The following RELN variants were observed in gnomAD, a reference collection of about 807,000 sequenced individuals.
RELN encodes the protein reelin.
RELN carries 108 observed loss-of-function variants against 427.6 expected under a neutral mutation model. The ratio of observed to expected loss-of-function variants is 0.25; its 90% CI spans 0.22 to 0.30. RELN has a LOEUF of 0.30. Ranked by LOEUF, RELN falls within the 10% of genes least tolerant of loss-of-function variation. The pLI is 1.00. For synonymous variants in RELN, 1,524 were observed against 1,513.4 expected, an observed-to-expected ratio of 1.01 and a Z score of -0.16; for missense variants, 3,715 against 4,302.8, an observed-to-expected ratio of 0.86 and a Z score of 3.82.
chr7:103,480,916 G>T (rs1828210177), intron 63 of RELN, among the ~76,000 whole-genome samples: 1 of 152,146 alleles, frequency 6.6e-6, no homozygotes, highest in South Asian at 2.1e-4. Context: ...ATAAGAGCCT[G>T]GTATATGACA....
intron 3 of RELN, among the ~76,000 whole-genome samples, chr7:103,803,374 T>C (rs1358327149): frequency 2.0e-5 from 3 of 152,148 alleles, no homozygotes; most frequent in Admixed American, 6.6e-5. Context: ...AATGCTTCTT[T>C]ATATGCTAGA....
intron 25 of RELN, among the ~76,000 whole-genome samples, chr7:103,596,164 G>A (rs763228529): frequency 3.3e-5 from 5 of 152,176 alleles, no homozygotes; most frequent in Admixed American, 6.5e-5. Context: ...GAAAATGAGC[G>A]TGGAACATCC....
chr7:103,508,602 C>T (rs1296838383), intron 51 of RELN, among the ~76,000 whole-genome samples: 7 of 148,812 alleles, frequency 4.7e-5, no homozygotes, highest in African/African-American at 1.7e-4. Context: ...GACAAGGATG[C>T]CCTCTCTTAG....
intron 11 of RELN, among the ~76,000 whole-genome samples, chr7:103,679,096 C>T (rs919792754): frequency 1.3e-5 from 2 of 152,152 alleles, no homozygotes; most frequent in African/African-American, 4.8e-5. Flanking sequence ...ATTATTATAT[C>T]AGCATTATTT....
chr7:103,477,372 A>C (rs775443622), intron 64 of RELN, among the ~76,000 whole-genome samples: 1 of 152,250 alleles, frequency 6.6e-6, no homozygotes, highest in Non-Finnish European at 1.5e-5. Context: ...TTGAGCTCAT[A>C]GAAATATAGG....
intron 6 of RELN, among the ~76,000 whole-genome samples, chr7:103,740,445 A>G (rs1029360435): frequency 1.2e-4 from 18 of 152,246 alleles, no homozygotes; most frequent in African/African-American, 4.3e-4. Context: ...TTTTAACCAC[A>G]TAAATTTTTA....
At chr7:103,740,332 T>C (rs1231376231) in intron 6 of RELN, among the ~76,000 whole-genome samples, 1 of 152,216 alleles carries the variant, frequency 6.6e-6, no homozygotes, top group Non-Finnish European at 1.5e-5. Flanking sequence ...CCAGAAGGAC[T>C]CACAGAAACT....
intron 2 of RELN, among the ~76,000 whole-genome samples, chr7:103,897,307 C>G (rs1794982704): frequency 6.6e-6 from 1 of 152,050 alleles, no homozygotes; most frequent in Non-Finnish European, 1.5e-5. Flanking sequence ...ACAGCAATTT[C>G]TTTCATCAAA....
intron 17 of RELN, among the ~76,000 whole-genome samples, chr7:103,636,983 A>G (rs967568624): frequency 6.6e-6 from 1 of 152,188 alleles, no homozygotes; most frequent in African/African-American, 2.4e-5. Flanking sequence ...GAATGTGTAC[A>G]CCCTTGACCT....
rs1179645012 is a variant in RELN, at chr7:103,603,343, A to G, written c.3294T>C (p.Cys1098=). ...GAGATGATCCAGAAGAGATGACACCACACCCTTGTTCTGGTTTTACAATTT... is the reference window on the plus strand; with the variant it reads ...GAGATGATCCAGAAGAGATGACACCGCACCCTTGTTCTGGTTTTACAATTT... The part of the protein sequence containing the change: ...GGEIVKPEQG[C]GVISSGSSLY... Residue 1098 remains cysteine (C), a synonymous_variant, in exon 24 of 65, where the codon TGT becomes TGC. Transcript: ENST00000428762. This position sits in a 1 kb window ranked among gnomAD's most constrained non-coding sequence, Gnocchi z 4.3. 3 of 1,613,788 alleles carry G rather than the reference A, an allele frequency of 1.9e-6. No individual in the cohort carries two copies. In the African/African-American group the frequency reaches 4.0e-5, roughly 22 times the overall value.
chr7:103,697,770 T>C lies in RELN; in HGVS notation c.1143+83A>G, dbSNP rs17154414. The stretch of plus-strand genomic sequence containing the variant: ...AGTGGTTTTGGTAAAATAGCTATCT[T>C]TATACAATTTGGTTTATTGAGCTTC... On this transcript the variant is annotated intron_variant, in intron 10 of 64. Coordinates refer to ENST00000428762, the MANE Select transcript of RELN (RefSeq NM_005045.4). 70,365 of 1,594,024 alleles carry C rather than the reference T, an allele frequency of 0.044. 2,026 individuals carry two copies. The highest frequency in any genetic ancestry group is 0.14 in the East Asian group (6,299 of 44,076).
intron 2 of RELN, among the ~76,000 whole-genome samples, chr7:103,914,303 A>ACTGACAAATGACAGTTTGTCAGTT (rs368588634): frequency 3.0e-4 from 45 of 152,198 alleles, no homozygotes; most frequent in Non-Finnish European, 6.2e-4. Flanking sequence ...ATGTAAAGGA[A>ACTGACAAATGACAGTTTGTCAGTT]CTGACAAATG....
Position 103,519,527 on chromosome 7 carries a change from G to T in RELN, c.7669-11C>A, listed in dbSNP as rs1379560978. 1.3e-6 allele frequency: 2 copies of T among 1,587,986 alleles called. No individual in the cohort carries two copies. Among genetic ancestry groups the T allele is most frequent in the African/African-American group, 1.4e-5 (1 of 73,818 alleles). ...TAATCGACTACAACCCTAAGAAAAA[G>T]AAGTAAAATAAAAAAAAGTGATAAG... is the stretch of plus-strand genomic sequence containing the variant. On this transcript the variant is annotated splice_polypyrimidine_tract_variant and intron_variant, in intron 48 of 64. Transcript: ENST00000428762.
chr7:103,923,625 T>C (rs73712302), intron 1 of RELN, among the ~76,000 whole-genome samples: 12,498 of 152,174 alleles, frequency 0.082, 921 homozygotes, highest in East Asian at 0.22. Context: ...CAGCCTTTTG[T>C]GAGGGGTAGA....
At chr7:103,612,674 TTTTC>T (rs1562922498) in intron 20 of RELN, among the ~76,000 whole-genome samples, 1 of 152,216 alleles carries the variant, frequency 6.6e-6, no homozygotes, top group Non-Finnish European at 1.5e-5. Flanking sequence ...CGATTTACAA[TTTTC>T]TTTTTGTTTT....
intron 46 of RELN, among the ~76,000 whole-genome samples, chr7:103,527,810 T>C (rs1829854735): frequency 2.0e-5 from 3 of 152,194 alleles, no homozygotes; most frequent in African/African-American, 4.8e-5. Flanking sequence ...AAATGGCCAA[T>C]AAGCACAGGA....
At chr7:103,924,621 A>G (rs1293338675) in intron 1 of RELN, among the ~76,000 whole-genome samples, 1 of 152,118 alleles carries the variant, frequency 6.6e-6, no homozygotes, top group African/African-American at 2.4e-5. Context: ...TTTGCTGGCT[A>G]GAGGAGGGGT....
chr7:103,637,068 A>G (rs1832599239), intron 17 of RELN, among the ~76,000 whole-genome samples: 1 of 152,166 alleles, frequency 6.6e-6, no homozygotes, highest in Non-Finnish European at 1.5e-5. Flanking sequence ...AAGAAAAACA[A>G]ACCTTTCCCC....
chr7:103,494,909 C>T (rs1304950560), intron 57 of RELN, among the ~76,000 whole-genome samples: 1 of 151,690 alleles, frequency 6.6e-6, no homozygotes, highest in Admixed American at 6.6e-5. Context: ...AAAAATGGCT[C>T]AATGCACATA....
Sources: allele counts gnomAD v4.1 joint callset (sites outside exome capture counted in the v4.1 genomes callset), GRCh38; gene constraint gnomAD v4.1.1; non-coding constraint Gnocchi (gnomAD v3.1); transcripts MANE v1.5; gene names NCBI Gene and HGNC (gene_info 2026-07-23, HGNC 2026-07-21).